Variants in SLC39A10 observed in about 807,000 individuals in gnomAD.
SLC39A10 encodes the protein zinc transporter ZIP10.
A neutral mutation model predicts 65.1 loss-of-function variants in SLC39A10; 13 were observed. That is an observed-to-expected ratio of 0.20 (90% CI 0.13 to 0.32). The LOEUF is 0.32. Among genes scored for constraint, SLC39A10 ranks in the 10% least tolerant of loss-of-function variants. The pLI is 1.00. For synonymous variants in SLC39A10, 321 were observed against 342.2 expected (o/e 0.94, Z 0.68); for missense variants, 831 against 1,018.4 (o/e 0.82, Z 2.50).
intron 2 of SLC39A10, among the ~76,000 whole-genome samples, chr2:195,620,425 G>A (rs916295431): frequency 6.6e-6 from 1 of 152,118 alleles, no homozygotes; most frequent in African/African-American, 2.4e-5. Context: ...AGAAAGAGAG[G>A]GGATTACATT....
chr2:195,628,611 T>C (rs1290405838), intron 2 of SLC39A10, among the ~76,000 whole-genome samples: 1 of 152,202 alleles, frequency 6.6e-6, no homozygotes, highest in Non-Finnish European at 1.5e-5. Flanking sequence ...AAGTAATTAA[T>C]TGCAAATGTG....
chr2:195,649,885 A>G (rs538932320), intron 2 of SLC39A10, among the ~76,000 whole-genome samples: 23 of 152,300 alleles, frequency 1.5e-4, no homozygotes, highest in Admixed American at 4.6e-4. Flanking sequence ...GAAGTTAGCA[A>G]TTTGTCTACA....
intron 2 of SLC39A10, among the ~76,000 whole-genome samples, chr2:195,632,953 G>A (rs1038098388): frequency 3.3e-5 from 5 of 152,116 alleles, no homozygotes; most frequent in Non-Finnish European, 4.4e-5. Flanking sequence ...CCTTTATAAC[G>A]GGGACTAGAT....
At chr2:195,618,353 C>CAAAA (rs34831034) in intron 2 of SLC39A10, among the ~76,000 whole-genome samples, 2 of 103,978 alleles carry the variant, frequency 1.9e-5, no homozygotes, top group Non-Finnish European at 2.1e-5. Context: ...TCCGTCTCAC[C>CAAAA]AAAAAAAAAA....
rs1310874870 is a variant in SLC39A10, at chr2:195,678,949, T to C, written c.-11-1083T>C. ...TTCAGAATTACATAATTGGCTCTTA[T>C]TATATTTCTAGATTCTTGAAGTATG... On this transcript the variant is annotated intron_variant, in intron 1 of 9. Transcript: ENST00000359634. Among the ~76,000 whole-genome samples, 7 of 152,210 alleles carry C rather than the reference T, an allele frequency of 4.6e-5. 1 individual carries two copies. The highest frequency in any genetic ancestry group is 4.6e-4 in the Admixed American group (7 of 15,278).
chr2:195,700,533 C>T (rs979615306), intron 3 of SLC39A10, among the ~76,000 whole-genome samples: 1 of 152,174 alleles, frequency 6.6e-6, no homozygotes, highest in African/African-American at 2.4e-5. Context: ...CCTTTCTCCA[C>T]ACCTTTCAGG....
chr2:195,693,769 TTTGTA>T (rs1478043916), intron 3 of SLC39A10, among the ~76,000 whole-genome samples: 2 of 152,210 alleles, frequency 1.3e-5, no homozygotes, highest in Non-Finnish European at 2.9e-5. Flanking sequence ...TCATTTATCT[TTTGTA>T]TTGTTGTTTG....
intron 2 of SLC39A10, among the ~76,000 whole-genome samples, chr2:195,651,336 C>T (rs1689026413): frequency 6.6e-6 from 1 of 152,144 alleles, no homozygotes; most frequent in South Asian, 2.1e-4. Context: ...AATTTGTATC[C>T]TTTAAATATC....
At chr2:195,695,318 G>A (rs1167520848) in intron 3 of SLC39A10, among the ~76,000 whole-genome samples, 1 of 152,180 alleles carries the variant, frequency 6.6e-6, no homozygotes, top group East Asian at 1.9e-4. Context: ...GGCCAATGGA[G>A]TTTTGTTCCC....
At chr2:195,696,638 A>C (rs1164428763) in intron 3 of SLC39A10, among the ~76,000 whole-genome samples, 1 of 152,002 alleles carries the variant, frequency 6.6e-6, no homozygotes, top group Non-Finnish European at 1.5e-5. Flanking sequence ...GTAGTCGAAA[A>C]TTTGTGTATA....
Position 195,708,864 on chromosome 2 carries a change from T to A in SLC39A10, c.1575+20T>A, listed in dbSNP as rs773798538. On this transcript the variant is annotated intron_variant, in intron 5 of 9. Coordinates refer to ENST00000359634, the MANE Select transcript of SLC39A10 (RefSeq NM_020342.3). ...CAAAGAGTAAGTATTTTTTATTTAT[T>A]TAATTTTATACCATAAAACTCAAAA... 6.5e-7 allele frequency: 1 copy of A among 1,540,300 alleles called. No individual in the cohort carries two copies. The highest frequency in any genetic ancestry group is 8.8e-7 in the Non-Finnish European group (1 of 1,139,948).
At chr2:195,662,254 G>A (rs1377409807) in intron 1 of SLC39A10, among the ~76,000 whole-genome samples, 1 of 150,410 alleles carries the variant, frequency 6.6e-6, no homozygotes, top group African/African-American at 2.4e-5. Context: ...TCAGAGATAT[G>A]TATCCTACTG....
rs1476067695 is a variant in SLC39A10 at position 195,736,703 on chromosome 2, AATT to A, written c.*1666_*1668del. On this transcript the variant is annotated 3_prime_UTR_variant, in exon 10 of 10. Coordinates refer to ENST00000359634, the MANE Select transcript of SLC39A10 (RefSeq NM_020342.3). ...CTTTAATTTATGCTTGAATCTGAAA[AATT>A]ATTTCTGACTTACTCCATGGCCTCC... The A allele has an allele frequency of 6.6e-6, 1 of 152,300 alleles. No homozygotes were observed. Among genetic ancestry groups the A allele is most frequent in the Non-Finnish European group, 1.5e-5 (1 of 68,026 alleles). The allele number at this position is 152,300 out of a possible 1,614,324, so 9.4% of individuals were successfully genotyped here. A position where few individuals can be genotyped will look rare whatever the true frequency, so the allele number is the denominator to read the frequency against.
At chr2:195,707,363 GCTGT>G (rs1691444061) in intron 4 of SLC39A10, among the ~76,000 whole-genome samples, 1 of 152,232 alleles carries the variant, frequency 6.6e-6, no homozygotes, top group South Asian at 2.1e-4. Context: ...TAGGTAGATA[GCTGT>G]CTATCACCAG....
chr2:195,631,098 G>A (rs1474684383), intron 2 of SLC39A10, among the ~76,000 whole-genome samples: 3 of 152,014 alleles, frequency 2.0e-5, no homozygotes, highest in Non-Finnish European at 4.4e-5. Flanking sequence ...CTGAGCAGGA[G>A]AATCTTGAAC....
chr2:195,701,337 CTTTT>C (rs35540908), intron 3 of SLC39A10, among the ~76,000 whole-genome samples: 1 of 105,936 alleles, frequency 9.4e-6, no homozygotes, highest in African/African-American at 3.7e-5. Flanking sequence ...ATCTTCTTGA[CTTTT>C]TTTTTTTTTT....
At chr2:195,654,231 G>A (rs1427112925), upstream of SLC39A10, among the ~76,000 whole-genome samples, 1 of 152,164 alleles carries the variant, frequency 6.6e-6, no homozygotes, top group East Asian at 1.9e-4. Context: ...GAGCCACCAC[G>A]CCTGGCAGAA....
At chr2:195,731,448 T>G (rs1472803466) in intron 9 of SLC39A10, among the ~76,000 whole-genome samples, 8 of 152,170 alleles carry the variant, frequency 5.3e-5, no homozygotes, top group Non-Finnish European at 1.0e-4. Context: ...TTAACACCAT[T>G]TTACTTATTT....
intron 2 of SLC39A10, among the ~76,000 whole-genome samples, chr2:195,649,623 T>G (rs1425815655): frequency 6.6e-6 from 1 of 152,266 alleles, no homozygotes; most frequent in Non-Finnish European, 1.5e-5. Flanking sequence ...TTATTGTTAA[T>G]TCATTTCCAT....
Sources: gnomAD v4.1 joint callset for allele counts (sites outside exome capture counted in the v4.1 genomes callset) on GRCh38, gnomAD v4.1.1 for gene constraint, MANE v1.5 for transcripts, NCBI Gene and HGNC (gene_info 2026-07-23, HGNC 2026-07-21) for gene names.